Variants in FRMD5 observed in about 807,000 individuals in gnomAD.
FRMD5 encodes the protein FERM domain containing 5.
In FRMD5, 20 loss-of-function variants were observed where a neutral mutation model predicts 69.0. The observed-to-expected ratio is 0.29, with a 90% CI of 0.20 to 0.42. The LOEUF (loss-of-function observed/expected upper bound fraction) is 0.42. FRMD5 is among the 10% of genes least tolerant of loss of function. The pLI is 1.00. For synonymous variants in FRMD5, 271 were observed against 260.1 expected (o/e 1.04, Z -0.40); for missense variants, 595 against 708.6 (o/e 0.84, Z 1.82).
chr15:43,914,780 C>G (rs2089355028), intron 4 of FRMD5, among the ~76,000 whole-genome samples: 1 of 129,394 alleles, frequency 7.7e-6, no homozygotes, highest in Non-Finnish European at 1.5e-5. Flanking sequence ...GGCTGGAATG[C>G]AGTAGTGCAA....
At chr15:44,149,814 A>G (rs1273976439) in intron 1 of FRMD5, among the ~76,000 whole-genome samples, 2 of 152,196 alleles carry the variant, frequency 1.3e-5, no homozygotes, top group Non-Finnish European at 2.9e-5. Flanking sequence ...GGAGGGCAGC[A>G]CTACCCTAAT....
intron 5 of FRMD5, among the ~76,000 whole-genome samples, chr15:43,906,812 A>G (rs568406381): frequency 9.4e-5 from 14 of 148,896 alleles, no homozygotes; most frequent in East Asian, 3.9e-4. Flanking sequence ...CGTGTTAGCC[A>G]GGATGGTCTC....
At chr15:44,007,374 A>G (rs2140197035) in intron 1 of FRMD5, among the ~76,000 whole-genome samples, 1 of 152,196 alleles carries the variant, frequency 6.6e-6, no homozygotes, top group Non-Finnish European at 1.5e-5. Context: ...CAATATCTCC[A>G]AGGTATGCCT....
intron 1 of FRMD5, among the ~76,000 whole-genome samples, chr15:43,933,703 A>C (rs1359133342): frequency 6.6e-6 from 1 of 152,206 alleles, no homozygotes; most frequent in Non-Finnish European, 1.5e-5. Context: ...TATTACAGAG[A>C]AACACTGCTT....
chr15:44,018,876 C>T (rs1891085281), intron 1 of FRMD5, among the ~76,000 whole-genome samples: 2 of 151,844 alleles, frequency 1.3e-5, no homozygotes, highest in South Asian at 2.1e-4. Context: ...GGCTAACAGT[C>T]GATGTGGGTA....
At chr15:43,968,933 T>C (rs28655426) in intron 1 of FRMD5, among the ~76,000 whole-genome samples, 1 of 152,206 alleles carries the variant, frequency 6.6e-6, no homozygotes, top group African/African-American at 2.4e-5. Context: ...TATTTTATTC[T>C]GAATTTCTGC....
chr15:44,095,836 G>A lies in FRMD5; in HGVS notation c.102+99117C>T, dbSNP rs141854983. ...GTATGCTGCACTCAAAGGCATGCCT[G>A]ACTGGATATGGCCTGGCCTTGAAAG... On this transcript the variant is annotated intron_variant, in intron 1 of 13. Coordinates refer to ENST00000417257, the MANE Select transcript of FRMD5 (RefSeq NM_032892.5). Among the ~76,000 whole-genome samples, 594 of 152,262 alleles carry A rather than the reference G, an allele frequency of 3.9e-3. 2 individuals carry two copies. The highest frequency in any genetic ancestry group is 0.014 in the South Asian group (66 of 4,818).
intron 1 of FRMD5, among the ~76,000 whole-genome samples, chr15:44,087,615 A>G (rs1894254525): frequency 6.6e-6 from 1 of 152,164 alleles, no homozygotes; most frequent in Admixed American, 6.5e-5. Context: ...GAATAATAAT[A>G]GAACCCATCC....
chr15:43,953,792 A>C (rs1175915997), intron 1 of FRMD5, among the ~76,000 whole-genome samples: 1 of 152,240 alleles, frequency 6.6e-6, no homozygotes, highest in Admixed American at 6.5e-5. Context: ...TTAATAGTTA[A>C]GACTCTAGTA....
chr15:43,968,118 C>T (rs530394840), intron 1 of FRMD5, among the ~76,000 whole-genome samples: 1 of 151,704 alleles, frequency 6.6e-6, no homozygotes, highest in Non-Finnish European at 1.5e-5. Context: ...TTTAAACATA[C>T]ACAAAAGTGT....
chr15:43,871,482 T>C lies in FRMD5; in HGVS notation c.*2403A>G, dbSNP rs2088159512. On this transcript the variant is annotated 3_prime_UTR_variant, in exon 14 of 14. Coordinates refer to ENST00000417257, the MANE Select transcript of FRMD5 (RefSeq NM_032892.5). ...AGCACTACACTAAAAGGTAATCTTC[T>C]ATGTTGCATAAGACAGTAGATACCA... is the stretch of plus-strand genomic sequence containing the variant. 6.6e-6 allele frequency: 1 copy of C among 152,198 alleles called. No individual in the cohort carries two copies. Among genetic ancestry groups the C allele is most frequent in the South Asian group, 2.1e-4 (1 of 4,826 alleles). 9.4% of individuals were successfully genotyped at this position (152,198 alleles called of 1,614,324 possible). A position where few individuals can be genotyped will look rare whatever the true frequency, so the allele number is the denominator to read the frequency against.
At chr15:43,903,026 T>C (rs2918945) in intron 6 of FRMD5, among the ~76,000 whole-genome samples, 41,780 of 151,968 alleles carry the variant, frequency 0.27, 10,862 homozygotes, top group African/African-American at 0.68. Flanking sequence ...ACCAGGAAAA[T>C]GAAAGATGCT....
chr15:43,938,104 G>C (rs539464655), intron 1 of FRMD5, among the ~76,000 whole-genome samples: 1 of 152,050 alleles, frequency 6.6e-6, no homozygotes, highest in Non-Finnish European at 1.5e-5. Flanking sequence ...GGTGGCGGGC[G>C]CTTGTAGTCC....
upstream of FRMD5, among the ~76,000 whole-genome samples, chr15:44,196,784 CT>C (rs1278020817): frequency 6.7e-6 from 1 of 149,506 alleles, no homozygotes; most frequent in Non-Finnish European, 1.5e-5. Context: ...CTTCCTCCCC[CT>C]CTCCCTCCCC....
chr15:43,950,362 G>C (rs1256090012), intron 1 of FRMD5, among the ~76,000 whole-genome samples: 1 of 152,142 alleles, frequency 6.6e-6, no homozygotes, highest in African/African-American at 2.4e-5. Flanking sequence ...CCATTGTCTG[G>C]GGAGGAAAAT....
chr15:43,908,327 CAA>C (rs58337379), intron 5 of FRMD5, among the ~76,000 whole-genome samples: 77,903 of 108,054 alleles, frequency 0.72, 29,696 homozygotes, highest in Non-Finnish European at 0.87. Flanking sequence ...GATCCTGTCT[CAA>C]AAAAAAAAAA....
chr15:44,045,044 A>G (rs550668335), intron 1 of FRMD5, among the ~76,000 whole-genome samples: 12 of 152,358 alleles, frequency 7.9e-5, no homozygotes, highest in Non-Finnish European at 1.2e-4. Context: ...ACTGTGACAC[A>G]TAACTCACAC....
At chr15:43,974,238 G>T (rs1270899402) in intron 1 of FRMD5, among the ~76,000 whole-genome samples, 1 of 152,050 alleles carries the variant, frequency 6.6e-6, no homozygotes, top group Non-Finnish European at 1.5e-5. Flanking sequence ...ACTCCTTAAG[G>T]GTGAATGAGA....
chr15:44,003,318 G>C (rs1890295446), intron 1 of FRMD5, among the ~76,000 whole-genome samples: 1 of 152,078 alleles, frequency 6.6e-6, no homozygotes, highest in Non-Finnish European at 1.5e-5. Context: ...CTCTACCCTT[G>C]CCCCTTAATC....
Sources: gnomAD v4.1 joint callset for allele counts (sites outside exome capture counted in the v4.1 genomes callset) on GRCh38, gnomAD v4.1.1 for gene constraint, MANE v1.5 for transcripts, NCBI Gene and HGNC (gene_info 2026-07-23, HGNC 2026-07-21) for gene names.